Variants in COL22A1 observed in about 807,000 individuals in gnomAD.
COL22A1 encodes collagen type XXII alpha 1 chain.
Under a neutral mutation model 248.9 loss-of-function variants are expected in COL22A1, and 221 were observed. That is an observed-to-expected ratio of 0.89 (90% CI 0.80 to 0.99). The LOEUF (loss-of-function observed/expected upper bound fraction) is 0.99. Among genes scored for constraint, COL22A1 ranks in the 50% least tolerant of loss-of-function variants. The probability of loss-of-function intolerance (pLI) is 0.00; values close to 1 mark genes in which losing one functional copy is unlikely to be tolerated. For synonymous variants in COL22A1, 891 were observed against 793.4 expected (o/e 1.12, Z -2.07); for missense variants, 2,240 against 2,179.0 (o/e 1.03, Z -0.56).
At chr8:138,768,232 G>C (rs544423992) in intron 16 of COL22A1, among the ~76,000 whole-genome samples, 1 of 152,136 alleles carries the variant, frequency 6.6e-6, no homozygotes, top group African/African-American at 2.4e-5. Context: ...GGATGCAGCC[G>C]CCTCCTCAGC....
chr8:138,796,922 G>A (rs1816595321), intron 11 of COL22A1, 65 bp from the exon 12 acceptor site: 1 of 1,023,786 alleles, frequency 9.8e-7, no homozygotes, highest in African/African-American at 1.6e-5. Flanking sequence ...ATTGCAAATG[G>A]CAACATCATC....
At chr8:138,729,276 C>T (rs991666360) in intron 23 of COL22A1, among the ~76,000 whole-genome samples, 1 of 152,168 alleles carries the variant, frequency 6.6e-6, no homozygotes, top group African/African-American at 2.4e-5. Context: ...CGGGTCTCAC[C>T]CTGCTGTTAC....
chr8:138,601,210 C>T (rs147794813), intron 60 of COL22A1, among the ~76,000 whole-genome samples: 1 of 152,004 alleles, frequency 6.6e-6, no homozygotes, highest in African/African-American at 2.4e-5. Context: ...ACATGTCCCT[C>T]ATGTCCCTGG....
At chr8:138,759,911 C>G (rs867299387) in intron 18 of COL22A1, among the ~76,000 whole-genome samples, 1 of 151,832 alleles carries the variant, frequency 6.6e-6, no homozygotes, top group African/African-American at 2.4e-5. Flanking sequence ...TTATAGCCTT[C>G]CTTATTCCAA....
At chr8:138,847,366 C>T (rs1821318889) in intron 3 of COL22A1, among the ~76,000 whole-genome samples, 1 of 152,208 alleles carries the variant, frequency 6.6e-6, no homozygotes, top group Admixed American at 6.5e-5. Flanking sequence ...TGAGCTCCTG[C>T]CCTGGAGGTG....
intron 59 of COL22A1, among the ~76,000 whole-genome samples, chr8:138,602,360 C>T (rs1818093479): frequency 6.6e-6 from 1 of 152,172 alleles, no homozygotes; most frequent in Non-Finnish European, 1.5e-5. Context: ...TTCCTCCTGG[C>T]ACTGTCCACC....
intron 1 of COL22A1, among the ~76,000 whole-genome samples, chr8:138,909,739 G>A (rs1044650621): frequency 1.3e-5 from 2 of 152,192 alleles, no homozygotes; most frequent in African/African-American, 4.8e-5. Flanking sequence ...GCTTCCAGCA[G>A]GGCATCTTCG....
At chr8:138,823,998 CTT>C (rs1819375631) in intron 6 of COL22A1, among the ~76,000 whole-genome samples, 1 of 152,216 alleles carries the variant, frequency 6.6e-6, no homozygotes, top group African/African-American at 2.4e-5. Context: ...CTTCTGGTCT[CTT>C]TTTCTGTGCT....
At chr8:138,760,408 A>G in intron 17 of COL22A1, 121 bp from the exon 18 acceptor site, 1 of 882,320 alleles carries the variant, frequency 1.1e-6, no homozygotes, top group Non-Finnish European at 1.7e-6. Flanking sequence ...TCAGAAGCCA[A>G]AGTCCCTTTA....
intron 10 of COL22A1, among the ~76,000 whole-genome samples, chr8:138,806,214 A>AGGTTAATGG (rs1817712494): frequency 3.3e-5 from 1 of 30,226 alleles, no homozygotes; most frequent in Non-Finnish European, 6.7e-5. Flanking sequence ...TGGCATGTGT[A>AGGTTAATGG]TGTGTGATGG....
chr8:138,749,080 G>C (rs752145998), intron 22 of COL22A1, among the ~76,000 whole-genome samples: 8 of 152,082 alleles, frequency 5.3e-5, no homozygotes, highest in Non-Finnish European at 1.0e-4. Flanking sequence ...GCCATGTAAG[G>C]CATGTCTTTC....
At chr8:138,636,930 C>A in intron 47 of COL22A1, 135 bp from the exon 48 acceptor site, 1 of 743,712 alleles carries the variant, frequency 1.3e-6, no homozygotes, top group Non-Finnish European at 2.3e-6. Flanking sequence ...GTAGCTCAGG[C>A]ACGGTGGCAG....
chr8:138,645,677 G>A (rs997712118), intron 47 of COL22A1, among the ~76,000 whole-genome samples: 1 of 152,162 alleles, frequency 6.6e-6, no homozygotes, highest in Admixed American at 6.5e-5. Flanking sequence ...AGGCCAGAAA[G>A]GTTAAGAAAC....
At chr8:138,626,750 T>C (rs1820277323) in intron 50 of COL22A1, among the ~76,000 whole-genome samples, 1 of 152,212 alleles carries the variant, frequency 6.6e-6, no homozygotes, top group Non-Finnish European at 1.5e-5. Context: ...GGCTCCTACA[T>C]GTTTTACCAA....
chr8:138,664,920 G>A (rs1027556582), intron 41 of COL22A1, among the ~76,000 whole-genome samples: 7 of 152,022 alleles, frequency 4.6e-5, no homozygotes, highest in African/African-American at 1.7e-4. Flanking sequence ...CCAGGGTGAG[G>A]TTAGTCCCAC....
At chr8:138,608,027 A>T in intron 56 of COL22A1, 38 bp from the exon 57 acceptor site, 4 of 1,599,748 alleles carry the variant, frequency 2.5e-6, no homozygotes, top group Non-Finnish European at 3.4e-6. Context: ...CTGCCAGGGC[A>T]TCAAAGAGCA....
intron 41 of COL22A1, among the ~76,000 whole-genome samples, chr8:138,667,779 T>A (rs1220240380): frequency 6.6e-6 from 1 of 152,180 alleles, no homozygotes; most frequent in Non-Finnish European, 1.5e-5. Flanking sequence ...GGTACGAGCA[T>A]TAGACATCAC....
intron 57 of COL22A1, 92 bp downstream of exon 57, chr8:138,607,844 T>C: frequency 7.8e-7 from 1 of 1,281,542 alleles, no homozygotes; most frequent in South Asian, 1.3e-5. Context: ...CCGATGCTTC[T>C]AGGGACAGAG....
intron 3 of COL22A1, among the ~76,000 whole-genome samples, chr8:138,858,075 G>A (rs1200349486): frequency 6.6e-6 from 1 of 152,198 alleles, no homozygotes; most frequent in Non-Finnish European, 1.5e-5. Context: ...AGTTCAGTGT[G>A]AACTAACATC....
Sources: gnomAD v4.1 joint callset for allele counts (sites outside exome capture counted in the v4.1 genomes callset) on GRCh38, gnomAD v4.1.1 for gene constraint, MANE v1.5 for transcripts, NCBI Gene and HGNC (gene_info 2026-07-23, HGNC 2026-07-21) for gene names.